The following MROH9 variants were observed in gnomAD, a reference collection of about 807,000 sequenced individuals.
MROH9 encodes maestro heat like repeat family member 9.
In MROH9, 92 loss-of-function variants were observed where a neutral mutation model predicts 98.2. The ratio of observed to expected loss-of-function variants is 0.94; its 90% CI spans 0.79 to 1.11. The LOEUF is 1.11. MROH9 is among the 50% of genes most tolerant of loss of function. The probability of loss-of-function intolerance (pLI) is 0.00; values close to 1 mark genes in which losing one functional copy is unlikely to be tolerated. For synonymous variants in MROH9, 397 were observed against 368.9 expected (o/e 1.08, Z -0.87); for missense variants, 1,057 against 1,014.8 (o/e 1.04, Z -0.57).
intron 15 of MROH9, among the ~76,000 whole-genome samples, chr1:171,011,838 G>T (rs1227777152): frequency 6.6e-6 from 1 of 151,274 alleles, no homozygotes; most frequent in Admixed American, 6.6e-5. Context: ...ATCTTAATAG[G>T]ATTTTTTTCC....
chr1:171,042,463 A>G (rs1045384432), intron 20 of MROH9, among the ~76,000 whole-genome samples: 2 of 152,076 alleles, frequency 1.3e-5, no homozygotes, highest in Non-Finnish European at 2.9e-5. Context: ...ATGCAGATAT[A>G]TCTTTGATAG....
rs952280491 is a variant in MROH9 at position 170,989,725 on chromosome 1, C to G, written c.880-130C>G. 8 of 717,220 alleles carry G rather than the reference C, an allele frequency of 1.1e-5. No individual in the cohort carries two copies. The African/African-American group carries it at 1.4e-4, about 13-fold the overall frequency. The allele number at this position is 717,220 out of a possible 1,614,324, so 44.4% of individuals were successfully genotyped here. ...CATGTAAATATGCTTTCTACTAGTG[C>G]TTATCTGTATGTTAGTTGCTGCTTT... On this transcript the variant is annotated intron_variant, in intron 10 of 21. Transcript: ENST00000367759.
intron 20 of MROH9, among the ~76,000 whole-genome samples, chr1:171,038,936 A>G (rs1227466260): frequency 6.6e-6 from 1 of 152,278 alleles, no homozygotes; most frequent in South Asian, 2.1e-4. Flanking sequence ...TCATGAAGAA[A>G]AAAAAAAGGA....
chr1:171,024,991 C>T lies in MROH9; in HGVS notation c.2178+226C>T, dbSNP rs80313289. Reference sequence around the variant, plus strand: ...CATCCATCTTATCTTCTTCCTCCAGCCCACCCATTTTGAGCTATGGGTGGG... The same window carrying T: ...CATCCATCTTATCTTCTTCCTCCAGTCCACCCATTTTGAGCTATGGGTGGG... On this transcript the variant is annotated intron_variant, in intron 19 of 21. Coordinates refer to ENST00000367759, the MANE Select transcript of MROH9 (RefSeq NM_001163629.2). 4.7e-3 allele frequency among the ~76,000 whole-genome samples: 711 copies of T among 152,254 alleles called. 3 individuals are homozygous for T. Among genetic ancestry groups the T allele is most frequent in the Non-Finnish European group, 8.9e-3 (602 of 68,010 alleles).
At chr1:171,035,167 TGAGA>T (rs1241192208) in intron 20 of MROH9, among the ~76,000 whole-genome samples, 1 of 151,764 alleles carries the variant, frequency 6.6e-6, no homozygotes, top group African/African-American at 2.4e-5. Context: ...AGCAACAAGC[TGAGA>T]GAAATATTTG....
chr1:171,042,547 T>C (rs1320019718), intron 20 of MROH9, among the ~76,000 whole-genome samples: 1 of 152,094 alleles, frequency 6.6e-6, no homozygotes, highest in Admixed American at 6.5e-5. Context: ...ATTTTTAGTT[T>C]TTTGAGGAAC....
chr1:170,971,634 C>A, intron 7 of MROH9, 114 bp from the exon 8 acceptor site: 1 of 1,224,686 alleles, frequency 8.2e-7, no homozygotes, highest in Non-Finnish European at 1.2e-6. Context: ...ATATTGTAAA[C>A]TCTGAAGCTT....
At chr1:170,986,841 A>G in intron 10 of MROH9, 131 bp downstream of exon 10, 1 of 1,080,888 alleles carries the variant, frequency 9.3e-7, no homozygotes, top group Non-Finnish European at 1.3e-6. Context: ...CAATATAATG[A>G]GGCTTTTGGT....
rs1373218930 is a variant in MROH9 at position 170,955,906 on chromosome 1, AG to A, written c.73-2552del. 4.6e-5 allele frequency among the ~76,000 whole-genome samples: 7 copies of A among 152,288 alleles called. No individual in the cohort carries two copies. In the South Asian group the frequency reaches 1.5e-3, roughly 32 times the overall value. On this transcript the variant is annotated intron_variant, in intron 3 of 21. Coordinates refer to ENST00000367759, the MANE Select transcript of MROH9 (RefSeq NM_001163629.2). Reference sequence around the variant, plus strand: ...ATTTTTGCCTAAGCCAACGTCTAGAAGGGTTTTTCCAATGTTATCTTCTAGA... The same window carrying A: ...ATTTTTGCCTAAGCCAACGTCTAGAAGGTTTTTCCAATGTTATCTTCTAGA...
chr1:171,036,262 ATGTCT>A (rs1350463030), intron 20 of MROH9, among the ~76,000 whole-genome samples: 3 of 152,124 alleles, frequency 2.0e-5, no homozygotes, highest in Non-Finnish European at 4.4e-5. Flanking sequence ...ATTACTGGTA[ATGTCT>A]TGTGTCTTGA....
chr1:171,026,033 TAG>T (rs1652699936), intron 20 of MROH9, among the ~76,000 whole-genome samples: 1 of 152,150 alleles, frequency 6.6e-6, no homozygotes, highest in Non-Finnish European at 1.5e-5. Context: ...TGACCCCAGT[TAG>T]CATCATGGAG....
intron 20 of MROH9, among the ~76,000 whole-genome samples, chr1:171,033,243 C>G (rs571942521): frequency 3.9e-5 from 6 of 152,260 alleles, no homozygotes; most frequent in Non-Finnish European, 8.8e-5. Context: ...GCCCCTCCCC[C>G]AAGGAGCTCA....
intron 20 of MROH9, among the ~76,000 whole-genome samples, chr1:171,030,159 AT>A (rs756022095): frequency 1.3e-5 from 2 of 151,764 alleles, no homozygotes; most frequent in Non-Finnish European, 2.9e-5. Context: ...ATCAGTTTTT[AT>A]TGTATCTATT....
intron 17 of MROH9, among the ~76,000 whole-genome samples, chr1:171,022,748 C>T (rs1652561521): frequency 6.6e-6 from 1 of 151,700 alleles, no homozygotes; most frequent in African/African-American, 2.4e-5. Context: ...ACTTGTATCC[C>T]AGAACTTAAA....
At chr1:170,935,718 C>T (rs941806761) in intron 1 of MROH9, 131 bp downstream of exon 1, 4 of 151,794 alleles carry the variant, frequency 2.6e-5, no homozygotes, top group African/African-American at 7.3e-5. Flanking sequence ...CGTTATGGCC[C>T]AGGTATGGTG....
chr1:170,996,502 T>C lies in MROH9; in HGVS notation c.1338-5T>C. On this transcript the variant is annotated splice_region_variant and splice_polypyrimidine_tract_variant and intron_variant, in intron 13 of 21. Coordinates refer to ENST00000367759, the MANE Select transcript of MROH9 (RefSeq NM_001163629.2). ...TGATGACTTTGCTCTCTTTTGGGGC[T>C]TTAGGTATGCCCAGGATGCCCTGAG... 2 of 1,612,654 alleles carry C rather than the reference T, an allele frequency of 1.2e-6. No homozygotes were observed. Among genetic ancestry groups the C allele is most frequent in the South Asian group, 2.2e-5 (2 of 90,850 alleles).
chr1:170,940,641 G>A (rs1436074635), intron 1 of MROH9, among the ~76,000 whole-genome samples: 1 of 152,216 alleles, frequency 6.6e-6, no homozygotes, highest in Non-Finnish European at 1.5e-5. Context: ...ACCTGGAACA[G>A]CAACTGCATT....
rs942789058 is a variant in MROH9, at chr1:171,015,566, G to A, written c.1735-597G>A. Among the ~76,000 whole-genome samples, 9 of 151,344 alleles carry A rather than the reference G, an allele frequency of 5.9e-5. No homozygotes were observed. In the South Asian group the frequency reaches 1.0e-3, roughly 18 times the overall value. On this transcript the variant is annotated intron_variant, in intron 16 of 21. Transcript: ENST00000367759. ...TCTTTCTCTCTGGTGTCTCCTTTTC[G>A]TGTTTTTCCTTGCCTTCTATTCTGT...
At chr1:170,992,512 G>C (rs576604308) in intron 12 of MROH9, among the ~76,000 whole-genome samples, 183 bp downstream of exon 12, 6 of 152,204 alleles carry the variant, frequency 3.9e-5, no homozygotes, top group African/African-American at 1.4e-4. Context: ...CTTACATTTT[G>C]GTAAGAAACA....
Sources: allele counts gnomAD v4.1 joint callset (sites outside exome capture counted in the v4.1 genomes callset), GRCh38; gene constraint gnomAD v4.1.1; transcripts MANE v1.5; gene names NCBI Gene and HGNC (gene_info 2026-07-23, HGNC 2026-07-21).